Variants in CDC23 observed in about 807,000 individuals in gnomAD.
CDC23 encodes cell division cycle 23, also known as cell division cycle protein 23 homolog.
A neutral mutation model predicts 81.7 loss-of-function variants in CDC23; 26 were observed. The observed-to-expected ratio is 0.32, with a 90% CI of 0.23 to 0.44. CDC23 has a LOEUF of 0.44. Ranked by LOEUF, CDC23 falls within the 20% of genes least tolerant of loss-of-function variation. The probability of loss-of-function intolerance (pLI) is 1.00; values close to 1 mark genes in which losing one functional copy is unlikely to be tolerated. For missense variants in CDC23, 519 were observed against 728.0 expected, an observed-to-expected ratio of 0.71 and a Z score of 3.30; for synonymous variants, 267 against 270.8, an observed-to-expected ratio of 0.99 and a Z score of 0.14.
chr5:138,189,742 T>C lies in CDC23; in HGVS notation c.1514A>G (p.Glu505Gly). 1.9e-6 allele frequency: 3 copies of C among 1,613,706 alleles called. No individual in the cohort carries two copies. Among genetic ancestry groups the C allele is most frequent in the Non-Finnish European group, 2.5e-6 (3 of 1,179,632 alleles). Residue 505 changes from glutamate to glycine, a missense_variant, in exon 15 of 16, where the codon GAA becomes GGA. By Grantham distance (98) the Glu-to-Gly change is moderately conservative. Transcript: ENST00000394886. ...QDIYSCGEIVEHLEESTAFRY... is the reference protein window; with the variant it reads ...QDIYSCGEIVGHLEESTAFRY... The stretch of plus-strand genomic sequence containing the variant: ...AAAGGCAGTGCTTTCCTCCAAGTGT[T>C]CTACTATTTCCTAGAAAGGGAAAGC...
chr5:138,200,595 G>T (rs1215624032), intron 6 of CDC23, among the ~76,000 whole-genome samples: 2 of 152,098 alleles, frequency 1.3e-5, no homozygotes, highest in Non-Finnish European at 2.9e-5. Flanking sequence ...TGAGGCAGGA[G>T]GATCACCTGA....
intron 3 of CDC23, 122 bp from the exon 4 acceptor site, chr5:138,202,277 T>C (rs2126586488): frequency 1.8e-6 from 1 of 558,658 alleles, no homozygotes; most frequent in Non-Finnish European, 3.1e-6. Context: ...CTTTTGGTCA[T>C]TATTTATTTA....
rs1230295122 is a variant in CDC23, at chr5:138,213,274, C to T, written c.39G>A (p.Thr13=). The T allele has an allele frequency of 6.2e-7, 1 of 1,613,970 alleles. No individual in the cohort carries two copies. The highest frequency in any genetic ancestry group is 8.5e-7 in the Non-Finnish European group (1 of 1,180,060). The part of the protein sequence containing the change: ...ASTSMVPVAV[T]AAVAPVLSIN... ...TGGACAGGACAGGCGCCACTGCCGCCGTCACAGCCACCGGGACCATGGAGG... is the reference window on the plus strand; with the variant it reads ...TGGACAGGACAGGCGCCACTGCCGCTGTCACAGCCACCGGGACCATGGAGG... The change falls in exon 1 of 16, where the codon ACG becomes ACA. Residue 13 remains threonine (T), a synonymous_variant. Coordinates refer to ENST00000394886, the MANE Select transcript of CDC23 (RefSeq NM_004661.4).
intron 2 of CDC23, among the ~76,000 whole-genome samples, chr5:138,210,807 C>A (rs895229866): frequency 1.3e-5 from 2 of 152,110 alleles, no homozygotes; most frequent in African/African-American, 2.4e-5. Flanking sequence ...TAATACAAAC[C>A]CTCAGGAGAG....
In CDC23 at chr5:138,206,648, T is replaced by C; in HGVS notation, c.271A>G (p.Lys91Glu). ...AQDMDAYTLA[K>E]AYFDVKEYDR... ...TACTCTTTAACGTCAAAGTAGGCCT[T>C]GGCCAGGGTATAGGCATCCATATCC... The change falls in exon 3 of 16, where the codon AAG becomes GAG. Residue 91 changes from lysine (K) to glutamate (E), a missense_variant. Coordinates refer to ENST00000394886, the MANE Select transcript of CDC23 (RefSeq NM_004661.4). The C allele has an allele frequency of 1.9e-6, 3 of 1,614,100 alleles. No individual in the cohort carries two copies. The highest frequency in any genetic ancestry group is 2.5e-6 in the Non-Finnish European group (3 of 1,179,990).
Position 138,188,196 on chromosome 5 carries a change from A to C in CDC23, c.*782T>G, listed in dbSNP as rs950069424. The C allele has an allele frequency of 6.6e-6, 1 of 152,216 alleles. No individual in the cohort carries two copies. Among genetic ancestry groups the C allele is most frequent in the Non-Finnish European group, 1.5e-5 (1 of 68,038 alleles). The allele number at this position is 152,216 out of a possible 1,614,324, so 9.4% of individuals were successfully genotyped here. A position where few individuals can be genotyped will look rare whatever the true frequency, so the allele number is the denominator to read the frequency against. On this transcript the variant is annotated 3_prime_UTR_variant, in exon 16 of 16. Transcript: ENST00000394886. Reference sequence around the variant, plus strand: ...GAAGTGAGTTTATTCTTGTCTGTATAATCACCAATGTTATTTCCAAATGTC... The same window carrying C: ...GAAGTGAGTTTATTCTTGTCTGTATCATCACCAATGTTATTTCCAAATGTC...
chr5:138,195,756 T>TAC (rs1279060019), intron 9 of CDC23, among the ~76,000 whole-genome samples: 21 of 117,016 alleles, frequency 1.8e-4, no homozygotes, highest in African/African-American at 6.9e-4. Flanking sequence ...TGTATATATA[T>TAC]ACATATATTA....
At chr5:138,208,849 C>T (rs1351499705) in intron 2 of CDC23, among the ~76,000 whole-genome samples, 2 of 152,130 alleles carry the variant, frequency 1.3e-5, no homozygotes, top group Admixed American at 1.3e-4. Flanking sequence ...AGTGTAGTGG[C>T]GCAATCTCAA....
chr5:138,201,240 C>T lies in CDC23; in HGVS notation c.522-1G>A, dbSNP rs1439537708. On this transcript the variant is annotated splice_acceptor_variant, in intron 5 of 15. Transcript: ENST00000394886. LOFTEE classifies it high-confidence loss of function. ...CAGTTTTCGAAGCACCACACCATAC[C>T]TGGGAAAAAAAAGAAACAATCACAG... 1 of 1,613,466 alleles carries T rather than the reference C, an allele frequency of 6.2e-7. No individual in the cohort carries two copies. The highest frequency in any genetic ancestry group is 8.5e-7 in the Non-Finnish European group (1 of 1,179,888).
Position 138,206,658 on chromosome 5 carries a change from A to G in CDC23, c.261T>C (p.Tyr87=). 1 of 1,613,334 alleles carries G rather than the reference A, an allele frequency of 6.2e-7. No homozygotes were observed. Among genetic ancestry groups the G allele is most frequent in the Non-Finnish European group, 8.5e-7 (1 of 1,179,642 alleles). ...CGTCAAAGTAGGCCTTGGCCAGGGTATAGGCATCCATATCCTGGGCATCTT... is the reference window on the plus strand; with the variant it reads ...CGTCAAAGTAGGCCTTGGCCAGGGTGTAGGCATCCATATCCTGGGCATCTT... ...TEEDAQDMDA[Y]TLAKAYFDVK... Residue 87 remains tyrosine, a synonymous_variant, in exon 3 of 16, where the codon TAT becomes TAC. Coordinates refer to ENST00000394886, the MANE Select transcript of CDC23 (RefSeq NM_004661.4).
At chr5:138,195,244 A>T (rs1754871789) in intron 9 of CDC23, among the ~76,000 whole-genome samples, 1 of 151,566 alleles carries the variant, frequency 6.6e-6, no homozygotes. Context: ...ACATGTTAAC[A>T]CAAGTAACTT....
Position 138,192,260 on chromosome 5 carries a change from C to G in CDC23, c.1286+9G>C, listed in dbSNP as rs1280244772. ...CATATCAGACGCATTGTCAAGTGAC[C>G]AGGCTTACCGAAGCTGGTGGGCCCG... On this transcript the variant is annotated intron_variant, in intron 11 of 15. Transcript: ENST00000394886. 6.2e-7 allele frequency: 1 copy of G among 1,613,998 alleles called. No homozygotes were observed. Among genetic ancestry groups the G allele is most frequent in the Non-Finnish European group, 8.5e-7 (1 of 1,179,980 alleles).
At position 138,191,886 on chromosome 5, in the gene CDC23, G is replaced by C; in HGVS notation, c.1338C>G (p.Leu446=). 6.2e-7 allele frequency: 1 copy of C among 1,614,072 alleles called. No homozygotes were observed. Among genetic ancestry groups the C allele is most frequent in the Non-Finnish European group, 8.5e-7 (1 of 1,179,960 alleles). ...LVALGECYEK[L]NQLVEAKKCY... is the part of the protein sequence containing the mutation. ...CCTTTTTGGCTTCCACTAGTTGATTGAGTTTCTCGTAACATTCTCCTAAAG... is the reference window on the plus strand; with the variant it reads ...CCTTTTTGGCTTCCACTAGTTGATTCAGTTTCTCGTAACATTCTCCTAAAG... The change falls in exon 12 of 16, where the codon CTC becomes CTG. Residue 446 remains leucine, a synonymous_variant. Transcript: ENST00000394886.
At chr5:138,193,347 G>A (rs992698308) in intron 9 of CDC23, among the ~76,000 whole-genome samples, 2 of 152,046 alleles carry the variant, frequency 1.3e-5, no homozygotes, top group Non-Finnish European at 2.9e-5. Flanking sequence ...TGTAATCCCA[G>A]CACTTTGGGA....
chr5:138,202,239 G>T, intron 3 of CDC23, 84 bp from the exon 4 acceptor site: 1 of 1,007,230 alleles, frequency 9.9e-7, no homozygotes, highest in East Asian at 2.5e-5. Flanking sequence ...CCTACCTAAA[G>T]GGCCAAGTTC....
intron 9 of CDC23, among the ~76,000 whole-genome samples, chr5:138,197,578 C>T (rs908596477): frequency 6.7e-6 from 1 of 149,770 alleles, no homozygotes; most frequent in African/African-American, 2.5e-5. Context: ...CTCACTGCAA[C>T]CTCCACCTCC....
intron 2 of CDC23, among the ~76,000 whole-genome samples, chr5:138,207,170 G>A (rs1231956307): frequency 2.6e-5 from 4 of 151,964 alleles, no homozygotes; most frequent in South Asian, 2.1e-4. Context: ...ATGAGCGACC[G>A]CACCCGGCCA....
intron 9 of CDC23, among the ~76,000 whole-genome samples, chr5:138,196,154 T>C (rs1412948604): frequency 6.6e-6 from 1 of 151,988 alleles, no homozygotes; most frequent in African/African-American, 2.4e-5. Context: ...CAAACATTTA[T>C]TGACTGTATG....
In CDC23 at chr5:138,189,970, T is replaced by G. The variant is rs1367937789; in HGVS notation, c.1425-64A>C. ...CAAAGCAACTTAGTGATAAAAAAAG[T>G]AAAAGTACATAAGACCAAAAAAAAC... is the stretch of plus-strand genomic sequence containing the variant. On this transcript the variant is annotated intron_variant, in intron 13 of 15. Transcript: ENST00000394886. The G allele has an allele frequency of 1.0e-5, 15 of 1,433,424 alleles. No homozygotes were observed. The East Asian group carries it at 3.4e-4, about 33-fold the overall frequency. 88.8% of individuals were successfully genotyped at this position (1,433,424 alleles called of 1,614,324 possible). A position where few individuals can be genotyped will look rare whatever the true frequency, so the allele number is the denominator to read the frequency against.
Sources: gnomAD v4.1 joint callset for allele counts (sites outside exome capture counted in the v4.1 genomes callset) on GRCh38, gnomAD v4.1.1 for gene constraint, MANE v1.5 for transcripts, NCBI Gene and HGNC (gene_info 2026-07-23, HGNC 2026-07-21) for gene names.